Variants in OGFOD1 observed in about 807,000 individuals in gnomAD.
OGFOD1 encodes the protein 2-oxoglutarate and iron dependent oxygenase domain containing 1.
Under a neutral mutation model 67.7 loss-of-function variants are expected in OGFOD1, and 54 were observed. The ratio of observed to expected loss-of-function variants is 0.80; its 90% CI spans 0.64 to 1.00. The LOEUF is 1.00. Ranked by LOEUF, OGFOD1 falls within the 50% of genes least tolerant of loss-of-function variation. The pLI, the probability that OGFOD1 is intolerant of heterozygous loss-of-function variation, is 0.00. For synonymous variants in OGFOD1, 221 were observed against 227.0 expected, an observed-to-expected ratio of 0.97 and a Z score of 0.24; for missense variants, 606 against 646.7, an observed-to-expected ratio of 0.94 and a Z score of 0.68.
At position 56,453,421 on chromosome 16, in the gene OGFOD1, C is replaced by G; in HGVS notation, c.300+13C>G. On this transcript the variant is annotated intron_variant, in intron 2 of 12. Transcript: ENST00000566157. ...TAAGTTCCAGCAGGTATTTATTCCC[C>G]TGCCACATTAACTCTTCCAGCTTGG... is the stretch of plus-strand genomic sequence containing the variant. 1 of 1,605,932 alleles carries G rather than the reference C, an allele frequency of 6.2e-7. No individual in the cohort carries two copies. The highest frequency in any genetic ancestry group is 1.1e-5 in the South Asian group (1 of 89,644).
Position 56,477,262 on chromosome 16 carries a change from A to C in OGFOD1, c.*1057A>C, listed in dbSNP as rs919697784. Reference sequence around the variant, plus strand: ...TAGAATTCTGACACAGTGAGTCATCACATTTCCTCCCACTGCCTGTGGCCT... The same window carrying C: ...TAGAATTCTGACACAGTGAGTCATCCCATTTCCTCCCACTGCCTGTGGCCT... On this transcript the variant is annotated 3_prime_UTR_variant, in exon 13 of 13. Transcript: ENST00000566157. 3.3e-5 allele frequency: 5 copies of C among 152,248 alleles called. No individual in the cohort carries two copies. Among genetic ancestry groups the C allele is most frequent in the African/African-American group, 1.2e-4 (5 of 41,460 alleles). The allele number at this position is 152,248 out of a possible 1,614,324, so 9.4% of individuals were successfully genotyped here. A position where few individuals can be genotyped will look rare whatever the true frequency, so the allele number is the denominator to read the frequency against.
At chr16:56,473,263 C>T (rs1266308713) in intron 10 of OGFOD1, among the ~76,000 whole-genome samples, 1 of 152,204 alleles carries the variant, frequency 6.6e-6, no homozygotes, top group Non-Finnish European at 1.5e-5. Flanking sequence ...TGCTTTCCAA[C>T]ATTGCATTTC....
chr16:56,460,905 T>C (rs1378580698), intron 3 of OGFOD1, among the ~76,000 whole-genome samples: 1 of 152,244 alleles, frequency 6.6e-6, no homozygotes, highest in Non-Finnish European at 1.5e-5. Flanking sequence ...GTTGATTGGC[T>C]GAGTGAGTTA....
intron 2 of OGFOD1, among the ~76,000 whole-genome samples, chr16:56,454,253 C>T (rs917113319): frequency 2.0e-5 from 3 of 152,096 alleles, no homozygotes; most frequent in Non-Finnish European, 4.4e-5. Context: ...GAGGCTGAGG[C>T]AGGAGAATCA....
At chr16:56,462,748 C>T (rs1431315824) in intron 4 of OGFOD1, 114 bp downstream of exon 4, 7 of 650,038 alleles carry the variant, frequency 1.1e-5, no homozygotes, top group East Asian at 2.8e-5. Flanking sequence ...GCAAAGCATC[C>T]GGATCTTCCT....
intron 8 of OGFOD1, among the ~76,000 whole-genome samples, chr16:56,469,765 G>A (rs1176544923): frequency 7.0e-6 from 1 of 143,290 alleles, no homozygotes; most frequent in Non-Finnish European, 1.5e-5. Flanking sequence ...CAGGAGAATC[G>A]TTTGAACCCA....
intron 8 of OGFOD1, among the ~76,000 whole-genome samples, chr16:56,468,816 G>A (rs1162950624): frequency 6.6e-6 from 1 of 152,090 alleles, no homozygotes; most frequent in African/African-American, 2.4e-5. Context: ...ATCACTCTGG[G>A]TATTTATTTT....
At chr16:56,475,460 T>C (rs552036944) in intron 11 of OGFOD1, 47 bp from the exon 12 acceptor site, 72 of 1,568,418 alleles carry the variant, frequency 4.6e-5, no homozygotes, top group Non-Finnish European at 6.3e-5. Context: ...ATGGTGCGAC[T>C]CTTTCAATAG....
chr16:56,458,269 T>C (rs1962594182), intron 2 of OGFOD1: 2 of 407,392 alleles, frequency 4.9e-6, no homozygotes, highest in African/African-American at 2.0e-5. Context: ...TATACTAATC[T>C]GCTTTTTGTG....
Position 56,451,777 on chromosome 16 carries a change from G to A in OGFOD1, c.154+11G>A. 3 of 1,611,812 alleles carry A rather than the reference G, an allele frequency of 1.9e-6. No individual in the cohort carries two copies. In the South Asian group the frequency reaches 3.3e-5, roughly 18 times the overall value. ...CGCCGTTCAGTCACGGTAACCGGGT[G>A]CTCTCAGGGAGGGGCCGCCACGCAG... On this transcript the variant is annotated intron_variant, in intron 1 of 12. Transcript: ENST00000566157.
intron 10 of OGFOD1, among the ~76,000 whole-genome samples, chr16:56,471,255 A>G (rs1185424269): frequency 1.3e-5 from 2 of 151,882 alleles, no homozygotes; most frequent in African/African-American, 4.8e-5. Flanking sequence ...CAAGCTACTC[A>G]GGAGGCTGAG....
intron 10 of OGFOD1, among the ~76,000 whole-genome samples, chr16:56,472,400 T>A (rs545958045): frequency 6.6e-6 from 1 of 152,274 alleles, no homozygotes; most frequent in African/African-American, 2.4e-5. Flanking sequence ...CAGGGGGCCT[T>A]GGGTGAAAGC....
At chr16:56,458,444 C>T in intron 2 of OGFOD1, 104 bp from the exon 3 acceptor site, 1 of 1,011,746 alleles carries the variant, frequency 9.9e-7, no homozygotes. Context: ...AGAGTCTGGG[C>T]TCTTAATGAC....
chr16:56,458,054 AG>A (rs1962586360), intron 2 of OGFOD1: 1 of 165,114 alleles, frequency 6.1e-6, no homozygotes, highest in African/African-American at 2.4e-5. Context: ...GGAATAGGCC[AG>A]GCGCGCTTCA....
chr16:56,462,301 A>C (rs1215685405), intron 3 of OGFOD1, among the ~76,000 whole-genome samples: 1 of 152,182 alleles, frequency 6.6e-6, no homozygotes, highest in African/African-American at 2.4e-5. Flanking sequence ...AACAAAAAAT[A>C]ACAAATATAA....
intron 2 of OGFOD1, 106 bp from the exon 3 acceptor site, chr16:56,458,442 G>A: frequency 2.0e-6 from 2 of 994,428 alleles, no homozygotes; most frequent in Non-Finnish European, 3.2e-6. Flanking sequence ...TCAGAGTCTG[G>A]GCTCTTAATG....
intron 2 of OGFOD1, chr16:56,454,711 T>C: frequency 2.6e-6 from 1 of 380,574 alleles, no homozygotes; most frequent in Non-Finnish European, 5.1e-6. Context: ...CATTTTCCCA[T>C]TTTATTTTAT....
chr16:56,456,283 C>T (rs1235822463), intron 2 of OGFOD1, among the ~76,000 whole-genome samples: 2 of 152,192 alleles, frequency 1.3e-5, no homozygotes, highest in Non-Finnish European at 2.9e-5. Flanking sequence ...AGGTTTTCCT[C>T]TTCCACCTGA....
In OGFOD1 at chr16:56,477,365, A is replaced by T. The variant is rs151187667; in HGVS notation, c.*1160A>T. 6.6e-6 allele frequency: 1 copy of T among 152,268 alleles called. No homozygotes were observed. Among genetic ancestry groups the T allele is most frequent in the East Asian group, 1.9e-4 (1 of 5,178 alleles). The allele number at this position is 152,268 out of a possible 1,614,324, so 9.4% of individuals were successfully genotyped here. ...CTTGGAAAGGGTCTGGCCTACCATCACATGCCCCAAGAAACTTCTGGTTGG... is the reference window on the plus strand; with the variant it reads ...CTTGGAAAGGGTCTGGCCTACCATCTCATGCCCCAAGAAACTTCTGGTTGG... On this transcript the variant is annotated 3_prime_UTR_variant, in exon 13 of 13. Transcript: ENST00000566157.
Sources: gnomAD v4.1 joint callset for allele counts (sites outside exome capture counted in the v4.1 genomes callset) on GRCh38, gnomAD v4.1.1 for gene constraint, MANE v1.5 for transcripts, NCBI Gene and HGNC (gene_info 2026-07-23, HGNC 2026-07-21) for gene names.